The following EML4 variants were observed in gnomAD, a reference collection of about 807,000 sequenced individuals.
EML4 encodes echinoderm microtubule-associated protein-like 4.
A neutral mutation model predicts 129.0 loss-of-function variants in EML4; 72 were observed. That is an observed-to-expected ratio of 0.56 (90% CI 0.46 to 0.68). The LOEUF (loss-of-function observed/expected upper bound fraction) is 0.68. Ranked by LOEUF, EML4 falls within the 30% of genes least tolerant of loss-of-function variation. The pLI is 0.00. For missense variants in EML4, 1,363 were observed against 1,190.6 expected (o/e 1.14, Z -2.13); for synonymous variants, 532 against 405.0 (o/e 1.31, Z -3.77).
chr2:42,182,247 C>T (rs1002799625), intron 1 of EML4, among the ~76,000 whole-genome samples: 6 of 150,416 alleles, frequency 4.0e-5, no homozygotes, highest in South Asian at 2.1e-4. Context: ...CATGCTGGTG[C>T]GCTGCACCCA....
chr2:42,193,822 A>C (rs1671741982), intron 1 of EML4, among the ~76,000 whole-genome samples: 1 of 151,892 alleles, frequency 6.6e-6, no homozygotes, highest in African/African-American at 2.4e-5. Context: ...GGTAGCTGGG[A>C]CTACAGGCAT....
At chr2:42,324,046 G>A (rs963340468) in intron 19 of EML4, among the ~76,000 whole-genome samples, 7 of 152,116 alleles carry the variant, frequency 4.6e-5, no homozygotes, top group African/African-American at 1.7e-4. Flanking sequence ...TGTAATCCCA[G>A]CACTTTGGGA....
At chr2:42,171,004 T>C (rs1386281207) in intron 1 of EML4, among the ~76,000 whole-genome samples, 3 of 152,244 alleles carry the variant, frequency 2.0e-5, no homozygotes, top group Non-Finnish European at 4.4e-5. Context: ...GTTATATTGC[T>C]TTCAGAGTGG....
chr2:42,326,234 C>T lies in EML4; in HGVS notation c.2323C>T (p.Leu775=), dbSNP rs756774113. The change falls in exon 21 of 23, where the codon CTA becomes TTA. Residue 775 remains leucine (L), a synonymous_variant. Coordinates refer to ENST00000318522, the MANE Select transcript of EML4 (RefSeq NM_019063.5). Reference sequence around the variant, plus strand: ...TGATTGGACGACATATACCTGTGTGCTAGGATTTCAAGTATTTGGTAAGGA... The same window carrying T: ...TGATTGGACGACATATACCTGTGTGTTAGGATTTCAAGTATTTGGTAAGGA... ...DIDWTTYTCV[L]GFQVFGVWPE... 6.2e-7 allele frequency: 1 copy of T among 1,611,126 alleles called. No individual in the cohort carries two copies. Among genetic ancestry groups the T allele is most frequent in the Non-Finnish European group, 8.5e-7 (1 of 1,178,340 alleles).
chr2:42,260,850 A>G (rs555488856), intron 3 of EML4, among the ~76,000 whole-genome samples: 8 of 152,334 alleles, frequency 5.3e-5, no homozygotes, highest in African/African-American at 1.9e-4. Context: ...AAAATCTGCC[A>G]AGATGGCAAA....
At chr2:42,201,510 A>G (rs1672233013) in intron 1 of EML4, among the ~76,000 whole-genome samples, 1 of 152,206 alleles carries the variant, frequency 6.6e-6, no homozygotes, top group Non-Finnish European at 1.5e-5. Flanking sequence ...TATATATCCA[A>G]AGGAATTGAA....
At chr2:42,307,174 G>A (rs6544540) in intron 17 of EML4, among the ~76,000 whole-genome samples, 67,830 of 151,996 alleles carry the variant, frequency 0.45, 15,732 homozygotes, top group East Asian at 0.73. Flanking sequence ...AGACATACAC[G>A]GCCCCAATTT....
In EML4 at chr2:42,169,404, G is replaced by T. The variant is rs954996133; in HGVS notation, c.-208G>T. On this transcript the variant is annotated 5_prime_UTR_variant, in exon 1 of 23. Transcript: ENST00000318522. ...GGGAGGCCGGGCAGGCGGCTGAGCG[G>T]CGCGGCTCTCAACGTGACGGGGAAG... is the stretch of plus-strand genomic sequence containing the variant. 2 of 416,244 alleles carry T rather than the reference G, an allele frequency of 4.8e-6. No individual in the cohort carries two copies. Among genetic ancestry groups the T allele is most frequent in the Admixed American group, 4.6e-5 (1 of 21,616 alleles). The allele number at this position is 416,244 out of a possible 1,614,324, so 25.8% of individuals were successfully genotyped here. A position where few individuals can be genotyped will look rare whatever the true frequency, so the allele number is the denominator to read the frequency against.
At chr2:42,222,987 G>C (rs1281441508) in intron 1 of EML4, among the ~76,000 whole-genome samples, 1 of 152,036 alleles carries the variant, frequency 6.6e-6, no homozygotes. Flanking sequence ...TTTTAGTAGA[G>C]ATGGGGTGTC....
At chr2:42,260,945 T>A (rs999736307) in intron 3 of EML4, among the ~76,000 whole-genome samples, 176 bp from the exon 4 acceptor site, 1 of 152,218 alleles carries the variant, frequency 6.6e-6, no homozygotes, top group African/African-American at 2.4e-5. Context: ...TTACTGAAGA[T>A]GTTAATAGCT....
At chr2:42,250,747 G>A (rs541694067) in intron 2 of EML4, among the ~76,000 whole-genome samples, 1 of 152,094 alleles carries the variant, frequency 6.6e-6, no homozygotes, top group African/African-American at 2.4e-5. Context: ...GGTGGGTGGG[G>A]GGAGGTGTTG....
chr2:42,228,155 AG>A (rs1397426094), intron 1 of EML4, among the ~76,000 whole-genome samples: 7 of 152,096 alleles, frequency 4.6e-5, no homozygotes, highest in African/African-American at 1.7e-4. Flanking sequence ...TGGGAGGCCA[AG>A]GTTGCAGTGA....
Position 42,246,407 on chromosome 2 carries a change from G to A in EML4, c.208+720G>A, listed in dbSNP as rs144050934. 1.0e-3 allele frequency among the ~76,000 whole-genome samples: 155 copies of A among 152,334 alleles called. 1 individual carries two copies. The highest frequency in any genetic ancestry group is 3.6e-3 in the African/African-American group (149 of 41,586). ...AGGCGTGATTATGCCCATTTTGGCA[G>A]TGGGAAAAGTGAGGACATTTATTGG... is the stretch of plus-strand genomic sequence containing the variant. On this transcript the variant is annotated intron_variant, in intron 2 of 22. Transcript: ENST00000318522.
chr2:42,265,962 T>C (rs1014383726), intron 6 of EML4, among the ~76,000 whole-genome samples: 21 of 152,258 alleles, frequency 1.4e-4, no homozygotes, highest in African/African-American at 4.8e-4. Flanking sequence ...GCAAATTTAA[T>C]TGAAGCATGC....
chr2:42,209,270 A>G (rs868512978), intron 1 of EML4, among the ~76,000 whole-genome samples: 1 of 152,276 alleles, frequency 6.6e-6, no homozygotes, highest in South Asian at 2.1e-4. Flanking sequence ...TACAAATACC[A>G]CAAAGCAGAA....
intron 1 of EML4, among the ~76,000 whole-genome samples, chr2:42,222,829 C>T (rs181150612): frequency 6.1e-4 from 92 of 151,882 alleles, no homozygotes; most frequent in African/African-American, 2.0e-3. Context: ...GATGGAGTCT[C>T]GCTTTGTCGC....
intron 6 of EML4, among the ~76,000 whole-genome samples, chr2:42,267,530 T>TG (rs1345368120): frequency 6.6e-6 from 1 of 152,224 alleles, no homozygotes; most frequent in African/African-American, 2.4e-5. Context: ...TATTTACATA[T>TG]GGTACATTTA....
At position 42,295,246 on chromosome 2, in the gene EML4, A is replaced by G. The variant is rs752122314; in HGVS notation, c.1340A>G (p.Gln447Arg). 12 of 1,613,088 alleles carry G rather than the reference A, an allele frequency of 7.4e-6. No individual in the cohort carries two copies. The South Asian group carries it at 7.7e-5, about 10-fold the overall frequency. ...AGCGGCAATTCACTAACAAGAAAAC[A>G]GGGAATTTTTGGGGTAAGAATCAGA... is the stretch of plus-strand genomic sequence containing the variant. Reference protein sequence around the residue: ...TWSGNSLTRKQGIFGKYEKPK... With the variant: ...TWSGNSLTRKRGIFGKYEKPK... The change falls in exon 12 of 23, where the codon CAG becomes CGG. Residue 447 changes from glutamine to arginine, a missense_variant. Gln to Arg is a conservative substitution (Grantham distance 43). Coordinates refer to ENST00000318522, the MANE Select transcript of EML4 (RefSeq NM_019063.5).
intron 1 of EML4, among the ~76,000 whole-genome samples, chr2:42,172,578 G>T (rs1670344459): frequency 6.6e-6 from 1 of 152,134 alleles, no homozygotes; most frequent in Admixed American, 6.5e-5. Context: ...CTTGTACTCT[G>T]GAATTTCCCT....
Sources: gnomAD v4.1 joint callset for allele counts (sites outside exome capture counted in the v4.1 genomes callset) on GRCh38, gnomAD v4.1.1 for gene constraint, MANE v1.5 for transcripts, NCBI Gene and HGNC (gene_info 2026-07-23, HGNC 2026-07-21) for gene names.